Variants in KCND2 observed in about 807,000 individuals in gnomAD.
The protein encoded by KCND2 is A-type voltage-gated potassium channel KCND2.
In KCND2, 16 loss-of-function variants were observed where a neutral mutation model predicts 54.4. The ratio of observed to expected loss-of-function variants is 0.29; its 90% CI spans 0.20 to 0.45. KCND2 has a LOEUF of 0.45. Ranked by LOEUF, KCND2 falls within the 20% of genes least tolerant of loss-of-function variation. KCND2 has a pLI of 1.00. For missense variants in KCND2, 486 were observed against 824.2 expected (o/e 0.59, Z 5.02); for synonymous variants, 317 against 310.7 (o/e 1.02, Z -0.21).
chr7:120,324,439 C>T (rs1425287579), intron 1 of KCND2, among the ~76,000 whole-genome samples: 5 of 144,842 alleles, frequency 3.5e-5, no homozygotes, highest in Non-Finnish European at 7.6e-5. Context: ...TTAGGTCTAA[C>T]GTTTAAGTCT....
intron 1 of KCND2, among the ~76,000 whole-genome samples, chr7:120,620,240 CAA>C (rs568568003): frequency 1.4e-5 from 2 of 138,710 alleles, no homozygotes; most frequent in East Asian, 2.1e-4. Flanking sequence ...ATTCCAACTG[CAA>C]AAAAAAAAAA....
At chr7:120,585,788 G>A (rs1008228403) in intron 1 of KCND2, among the ~76,000 whole-genome samples, 1 of 152,166 alleles carries the variant, frequency 6.6e-6, no homozygotes, top group African/African-American at 2.4e-5. Context: ...TGTACCAAAA[G>A]TAATATTTGA....
At chr7:120,732,880 T>C (rs1186043221) in intron 1 of KCND2, 23 bp from the exon 2 acceptor site, 7 of 1,592,422 alleles carry the variant, frequency 4.4e-6, no homozygotes, top group Non-Finnish European at 5.2e-6. Context: ...AAACAATATA[T>C]ATATATTTTT....
At chr7:120,319,830 A>G (rs1203464125) in intron 1 of KCND2, among the ~76,000 whole-genome samples, 2 of 152,108 alleles carry the variant, frequency 1.3e-5, no homozygotes, top group East Asian at 3.8e-4. Flanking sequence ...TATAATCAAT[A>G]TTATATTTTA....
chr7:120,659,911 CAA>C (rs1791845839), intron 1 of KCND2, among the ~76,000 whole-genome samples: 1 of 152,058 alleles, frequency 6.6e-6, no homozygotes, highest in Non-Finnish European at 1.5e-5. Flanking sequence ...CTGTGTTGTT[CAA>C]GAGTCAAATT....
chr7:120,377,381 A>C (rs1293958078), intron 1 of KCND2, among the ~76,000 whole-genome samples: 1 of 151,934 alleles, frequency 6.6e-6, no homozygotes, highest in Non-Finnish European at 1.5e-5. Flanking sequence ...AAGTTTTGAC[A>C]ACCAGAAAGA....
chr7:120,600,034 C>T (rs1792795089), intron 1 of KCND2, among the ~76,000 whole-genome samples: 1 of 151,582 alleles, frequency 6.6e-6, no homozygotes, highest in South Asian at 2.1e-4. Context: ...TTCCCTGCAT[C>T]TAGTAAGATT....
At position 120,281,901 on chromosome 7, in the gene KCND2, G is replaced by T. The variant is rs1450330442; in HGVS notation, c.1115+6154G>T. 3.3e-5 allele frequency among the ~76,000 whole-genome samples: 5 copies of T among 152,114 alleles called. No homozygotes were observed. The East Asian group carries it at 7.7e-4, about 23-fold the overall frequency. ...TTCAATGTTAAAAGTATTTACATTT[G>T]TTATTTGAACATTTTGTCCTCTCAT... On this transcript the variant is annotated intron_variant, in intron 1 of 5. Transcript: ENST00000331113.
At chr7:120,706,450 C>T (rs1792469597) in intron 1 of KCND2, among the ~76,000 whole-genome samples, 1 of 152,170 alleles carries the variant, frequency 6.6e-6, no homozygotes. Context: ...TGAAGGGCAG[C>T]AATTCTGTGT....
At chr7:120,560,400 G>A (rs938215695) in intron 1 of KCND2, among the ~76,000 whole-genome samples, 1 of 152,070 alleles carries the variant, frequency 6.6e-6, no homozygotes, top group Admixed American at 6.5e-5. Context: ...ATCCTCCAAT[G>A]AAATAATCAG....
intron 1 of KCND2, among the ~76,000 whole-genome samples, chr7:120,360,935 C>T (rs1800584078): frequency 6.6e-6 from 1 of 152,004 alleles, no homozygotes; most frequent in Non-Finnish European, 1.5e-5. Flanking sequence ...CTGTAAGCAA[C>T]AGGTTACATT....
At chr7:120,557,433 A>G (rs573518294) in intron 1 of KCND2, among the ~76,000 whole-genome samples, 17 of 152,270 alleles carry the variant, frequency 1.1e-4, no homozygotes, top group Middle Eastern at 3.4e-3. Flanking sequence ...TATCTTTAAC[A>G]TCATATACAA....
rs1271986582 is a variant in KCND2, at chr7:120,630,250, T to C, written c.1116-102653T>C. Among the ~76,000 whole-genome samples the C allele has an allele frequency of 2.6e-5, 4 of 152,158 alleles. No individual in the cohort carries two copies. The East Asian group carries it at 7.7e-4, about 29-fold the overall frequency. On this transcript the variant is annotated intron_variant, in intron 1 of 5. Coordinates refer to ENST00000331113, the MANE Select transcript of KCND2 (RefSeq NM_012281.3). ...ACTGAGGCAATCACTCTTTGGTGAG[T>C]AAAAATTCATTAAAATTTTGGAATT...
intron 1 of KCND2, among the ~76,000 whole-genome samples, chr7:120,718,002 G>A (rs1218216639): frequency 1.3e-5 from 2 of 152,004 alleles, no homozygotes; most frequent in Non-Finnish European, 2.9e-5. Flanking sequence ...TTACATAAGT[G>A]GTAGGCAGCA....
At chr7:120,707,386 A>C (rs1236607463) in intron 1 of KCND2, among the ~76,000 whole-genome samples, 1 of 152,128 alleles carries the variant, frequency 6.6e-6, no homozygotes, top group African/African-American at 2.4e-5. Flanking sequence ...ATAACTATTC[A>C]TGGAAATGAC....
chr7:120,570,357 A>G (rs1792348421), intron 1 of KCND2, among the ~76,000 whole-genome samples: 1 of 151,826 alleles, frequency 6.6e-6, no homozygotes, highest in Non-Finnish European at 1.5e-5. Flanking sequence ...AGATTTTACC[A>G]CTGTGCATTA....
intron 1 of KCND2, among the ~76,000 whole-genome samples, chr7:120,354,391 T>A (rs1208390606): frequency 6.6e-6 from 1 of 152,238 alleles, no homozygotes. Flanking sequence ...ATTTTACACA[T>A]GTCCAATATA....
At chr7:120,465,033 G>C (rs1802347618) in intron 1 of KCND2, among the ~76,000 whole-genome samples, 1 of 152,170 alleles carries the variant, frequency 6.6e-6, no homozygotes, top group African/African-American at 2.4e-5. Context: ...ATAATCATCA[G>C]AGTAACACCA....
intron 1 of KCND2, among the ~76,000 whole-genome samples, chr7:120,710,359 C>T (rs753244800): frequency 6.6e-6 from 1 of 152,116 alleles, no homozygotes; most frequent in Non-Finnish European, 1.5e-5. Flanking sequence ...GTGCAGGGAG[C>T]AGGTAATTTA....
Sources: allele counts gnomAD v4.1 joint callset (sites outside exome capture counted in the v4.1 genomes callset), GRCh38; gene constraint gnomAD v4.1.1; transcripts MANE v1.5; gene names NCBI Gene and HGNC (gene_info 2026-07-23, HGNC 2026-07-21).